Variants in PDGFD observed in about 807,000 individuals in gnomAD.
PDGFD encodes the protein platelet-derived growth factor D.
A neutral mutation model predicts 44.7 loss-of-function variants in PDGFD; 30 were observed. The ratio of observed to expected loss-of-function variants is 0.67; its 90% CI spans 0.50 to 0.91. PDGFD has a LOEUF of 0.91. Among genes scored for constraint, PDGFD ranks in the 40% least tolerant of loss-of-function variants. PDGFD has a pLI of 0.00. For synonymous variants in PDGFD, 173 were observed against 168.4 expected, an observed-to-expected ratio of 1.03 and a Z score of -0.21; for missense variants, 445 against 457.8, an observed-to-expected ratio of 0.97 and a Z score of 0.25.
chr11:104,108,644 G>A (rs974380243), intron 1 of PDGFD, among the ~76,000 whole-genome samples: 9 of 152,270 alleles, frequency 5.9e-5, no homozygotes, highest in South Asian at 4.1e-4. Context: ...ACAGTGTGGC[G>A]ATTCCTCAAG....
chr11:104,020,841 G>A (rs1859938094), intron 1 of PDGFD, among the ~76,000 whole-genome samples: 2 of 152,012 alleles, frequency 1.3e-5, no homozygotes, highest in Admixed American at 1.3e-4. Flanking sequence ...TTTAACTTCA[G>A]TTCTGAAAAT....
chr11:103,940,293 CTG>C (rs1858563711), intron 5 of PDGFD, among the ~76,000 whole-genome samples: 1 of 152,070 alleles, frequency 6.6e-6, no homozygotes, highest in Non-Finnish European at 1.5e-5. Context: ...TCATAAAACT[CTG>C]TGTTTTGTAT....
chr11:104,140,148 T>C (rs1472380873), intron 1 of PDGFD, among the ~76,000 whole-genome samples: 1 of 152,182 alleles, frequency 6.6e-6, no homozygotes, highest in East Asian at 1.9e-4. Context: ...TATAGAGAAC[T>C]ATTCAGGCAA....
intron 6 of PDGFD, among the ~76,000 whole-genome samples, chr11:103,913,672 A>G (rs1858067700): frequency 6.6e-6 from 1 of 152,248 alleles, no homozygotes; most frequent in Non-Finnish European, 1.5e-5. Flanking sequence ...TGAAGGAGAT[A>G]GAGACACAAA....
intron 1 of PDGFD, among the ~76,000 whole-genome samples, chr11:104,042,034 C>T (rs949690964): frequency 5.3e-5 from 8 of 152,054 alleles, no homozygotes; most frequent in African/African-American, 1.7e-4. Context: ...TTAATCAGTG[C>T]CAACATTCCT....
chr11:104,157,904 C>A (rs1862330456), intron 1 of PDGFD, among the ~76,000 whole-genome samples: 1 of 150,172 alleles, frequency 6.7e-6, no homozygotes, highest in South Asian at 2.1e-4. Context: ...ACATGCTCTA[C>A]AGGATAAATT....
chr11:103,958,273 T>C (rs1858887469), intron 3 of PDGFD, among the ~76,000 whole-genome samples: 1 of 152,196 alleles, frequency 6.6e-6, no homozygotes, highest in African/African-American at 2.4e-5. Flanking sequence ...CTGTACTCTT[T>C]CATCTTTGTT....
intron 1 of PDGFD, among the ~76,000 whole-genome samples, chr11:104,130,050 C>T (rs1349393465): frequency 6.7e-6 from 1 of 148,812 alleles, no homozygotes; most frequent in Non-Finnish European, 1.5e-5. Context: ...AACCACTCAG[C>T]ATAGGGAATT....
intron 1 of PDGFD, among the ~76,000 whole-genome samples, chr11:104,125,778 T>A (rs1490393815): frequency 6.6e-6 from 1 of 152,154 alleles, no homozygotes; most frequent in Admixed American, 6.5e-5. Context: ...AAACTTCCTA[T>A]AATTTTATTA....
chr11:103,990,996 G>A (rs536549497), intron 3 of PDGFD, among the ~76,000 whole-genome samples: 17 of 152,010 alleles, frequency 1.1e-4, no homozygotes, highest in East Asian at 1.9e-4. Context: ...AAAATTAGCC[G>A]AGCATGGTGG....
At chr11:104,149,459 C>G (rs1862210973) in intron 1 of PDGFD, among the ~76,000 whole-genome samples, 1 of 152,062 alleles carries the variant, frequency 6.6e-6, no homozygotes, top group South Asian at 2.1e-4. Context: ...ATTATATACC[C>G]AAGTTCGGTG....
At chr11:103,971,013 G>C (rs1471774282) in intron 3 of PDGFD, among the ~76,000 whole-genome samples, 1 of 152,122 alleles carries the variant, frequency 6.6e-6, no homozygotes, top group Non-Finnish European at 1.5e-5. Flanking sequence ...AGAGTATAAT[G>C]AATGATTCAC....
chr11:103,929,344 G>A (rs905576144), intron 5 of PDGFD, among the ~76,000 whole-genome samples: 2 of 152,118 alleles, frequency 1.3e-5, no homozygotes, highest in Non-Finnish European at 2.9e-5. Context: ...CCTGTCTGAT[G>A]TTGAACCAGG....
intron 5 of PDGFD, among the ~76,000 whole-genome samples, chr11:103,940,104 C>T (rs554097405): frequency 6.6e-6 from 1 of 152,046 alleles, no homozygotes; most frequent in Admixed American, 6.6e-5. Context: ...CTTTTGCATT[C>T]GCCATTTTCA....
intron 1 of PDGFD, among the ~76,000 whole-genome samples, chr11:104,066,376 C>T (rs1057513872): frequency 1.3e-5 from 2 of 152,112 alleles, no homozygotes; most frequent in African/African-American, 2.4e-5. Context: ...TCAGGTATTT[C>T]AGTGGATAAA....
intron 6 of PDGFD, among the ~76,000 whole-genome samples, chr11:103,925,716 C>CATATATATATATATATAT (rs370841769): frequency 4.1e-4 from 50 of 122,770 alleles, no homozygotes; most frequent in African/African-American, 1.5e-3. Context: ...CACACACACA[C>CATATATATATATATATAT]ATATATATAT....
intron 3 of PDGFD, among the ~76,000 whole-genome samples, chr11:103,968,707 T>C (rs1859055930): frequency 6.6e-6 from 1 of 152,218 alleles, no homozygotes; most frequent in Non-Finnish European, 1.5e-5. Flanking sequence ...TGTAGTCGCC[T>C]TCCATTGGCC....
At chr11:104,086,040 C>T (rs897644518) in intron 1 of PDGFD, among the ~76,000 whole-genome samples, 4 of 152,198 alleles carry the variant, frequency 2.6e-5, no homozygotes, top group Admixed American at 6.5e-5. Flanking sequence ...CATGCCTTTA[C>T]TACCTTTTGA....
chr11:103,945,864 C>T (rs929795275), intron 4 of PDGFD: 3 of 152,074 alleles, frequency 2.0e-5, no homozygotes, highest in Non-Finnish European at 4.4e-5. Flanking sequence ...CAAACATGTC[C>T]CTATGTATGA....
Sources: allele counts gnomAD v4.1 joint callset (sites outside exome capture counted in the v4.1 genomes callset), GRCh38; gene constraint gnomAD v4.1.1; transcripts MANE v1.5; gene names NCBI Gene and HGNC (gene_info 2026-07-23, HGNC 2026-07-21).